The following PDE3B variants were observed in gnomAD, a reference collection of about 807,000 sequenced individuals.
The protein encoded by PDE3B is phosphodiesterase 3B.
PDE3B carries 66 observed loss-of-function variants against 116.8 expected under a neutral mutation model. That is an observed-to-expected ratio of 0.56 (90% CI 0.46 to 0.69). PDE3B has a LOEUF of 0.69. Ranked by LOEUF, PDE3B falls within the 30% of genes least tolerant of loss-of-function variation. PDE3B has a pLI of 0.00. For missense variants in PDE3B, 1,384 were observed against 1,368.1 expected (o/e 1.01, Z -0.18); for synonymous variants, 595 against 533.6 (o/e 1.12, Z -1.59).
intron 1 of PDE3B, among the ~76,000 whole-genome samples, chr11:14,769,651 A>G (rs941778082): frequency 6.8e-6 from 1 of 147,466 alleles, no homozygotes; most frequent in African/African-American, 2.5e-5. Flanking sequence ...ATATGTACAT[A>G]TATTAAATAT....
the PDE3B span, chr11:14,890,602 A>G: frequency 3.0e-5 from 6 of 202,258 alleles, no homozygotes; most frequent in African/African-American, 6.3e-5. Context: ...GCTGGAGTGC[A>G]GTGGCGCGAT....
At chr11:14,646,670 C>T (rs1853416495) in intron 1 of PDE3B, among the ~76,000 whole-genome samples, 1 of 152,094 alleles carries the variant, frequency 6.6e-6, no homozygotes, top group Non-Finnish European at 1.5e-5. Flanking sequence ...TACAGTTTAA[C>T]ATATTTTAAT....
intron 5 of PDE3B, among the ~76,000 whole-genome samples, chr11:14,811,856 C>T (rs953781933): frequency 1.2e-4 from 18 of 152,182 alleles, no homozygotes; most frequent in East Asian, 1.9e-4. Flanking sequence ...AGGTCCCTCA[C>T]GTCCCTTGTA....
chr11:14,647,038 TATC>T (rs1228251789), intron 1 of PDE3B, among the ~76,000 whole-genome samples: 2 of 152,092 alleles, frequency 1.3e-5, no homozygotes, highest in African/African-American at 2.4e-5. Context: ...TAGCAGATAC[TATC>T]ATAACAAGAA....
chr11:14,786,325 C>A, intron 2 of PDE3B, 112 bp from the exon 3 acceptor site: 1 of 726,374 alleles, frequency 1.4e-6, no homozygotes, highest in Non-Finnish European at 2.1e-6. Context: ...TTAAAGTTCA[C>A]GGTTATTTGC....
intron 1 of PDE3B, among the ~76,000 whole-genome samples, chr11:14,739,145 C>T (rs756817292): frequency 1.2e-4 from 18 of 152,158 alleles, no homozygotes; most frequent in Non-Finnish European, 2.2e-4. Flanking sequence ...TGAAGAAAGT[C>T]AATGGTAGCT....
chr11:14,856,039 C>G (rs1847843088), intron 12 of PDE3B, among the ~76,000 whole-genome samples: 1 of 152,172 alleles, frequency 6.6e-6, no homozygotes, highest in Admixed American at 6.5e-5. Context: ...AATTGTAATC[C>G]TCACATGTCA....
chr11:14,820,232 C>CTTT (rs36115886), intron 7 of PDE3B, among the ~76,000 whole-genome samples: 5 of 140,780 alleles, frequency 3.6e-5, no homozygotes, highest in East Asian at 2.1e-4. Context: ...CCAACTCATT[C>CTTT]TTTTTTTTTT....
At chr11:14,885,395 C>A in the PDE3B span, among the ~76,000 whole-genome samples, 2 of 152,100 alleles carry the variant, frequency 1.3e-5, no homozygotes, top group South Asian at 4.1e-4. Flanking sequence ...GCTTCAAGTT[C>A]TGTAAGCTTA....
intron 12 of PDE3B, among the ~76,000 whole-genome samples, chr11:14,846,486 A>T (rs1847604996): frequency 6.6e-6 from 1 of 152,228 alleles, no homozygotes; most frequent in African/African-American, 2.4e-5. Flanking sequence ...TTCACACATA[A>T]CAATATTAAC....
intron 1 of PDE3B, among the ~76,000 whole-genome samples, chr11:14,766,642 A>G (rs961144958): frequency 6.6e-6 from 1 of 151,434 alleles, no homozygotes; most frequent in Non-Finnish European, 1.5e-5. Flanking sequence ...TATTTTAACC[A>G]CCAGCCTCTT....
At chr11:14,725,999 T>G (rs1024633323) in intron 1 of PDE3B, among the ~76,000 whole-genome samples, 5 of 152,154 alleles carry the variant, frequency 3.3e-5, no homozygotes, top group African/African-American at 1.2e-4. Context: ...TCCCTCTACT[T>G]CAGCTTCACT....
intron 5 of PDE3B, among the ~76,000 whole-genome samples, chr11:14,809,367 G>A (rs1007099648): frequency 6.6e-6 from 1 of 152,102 alleles, no homozygotes; most frequent in African/African-American, 2.4e-5. Context: ...AACAAAACGT[G>A]GCTTAACCAT....
At chr11:14,843,789 G>T (rs1021798570) in intron 11 of PDE3B, 38 bp from the exon 12 acceptor site, 1 of 1,502,880 alleles carries the variant, frequency 6.7e-7, no homozygotes, top group East Asian at 2.3e-5. Flanking sequence ...GAATTTATGT[G>T]CTAATGCTGG....
intron 1 of PDE3B, among the ~76,000 whole-genome samples, chr11:14,663,531 C>T (rs187261813): frequency 9.9e-5 from 15 of 152,194 alleles, no homozygotes; most frequent in East Asian, 1.9e-4. Flanking sequence ...ACCTGTCTCA[C>T]GTGCAGAGAC....
intron 11 of PDE3B, among the ~76,000 whole-genome samples, chr11:14,842,638 C>T (rs2133972886): frequency 6.6e-6 from 1 of 152,224 alleles, no homozygotes; most frequent in African/African-American, 2.4e-5. Flanking sequence ...ACTCAGGTGG[C>T]TGAGGGCAGG....
At chr11:14,798,212 T>C (rs1196267816) in intron 4 of PDE3B, among the ~76,000 whole-genome samples, 1 of 152,234 alleles carries the variant, frequency 6.6e-6, no homozygotes, top group East Asian at 1.9e-4. Context: ...TCATTGGTTC[T>C]GTTTATGTGA....
chr11:14,729,978 C>T (rs939625471), intron 1 of PDE3B, among the ~76,000 whole-genome samples: 24 of 152,060 alleles, frequency 1.6e-4, no homozygotes, highest in Admixed American at 1.3e-4. Flanking sequence ...TAGAACTAGG[C>T]TCAATAAAAG....
chr11:14,867,593 A>G lies in PDE3B; in HGVS notation c.2974A>G (p.Ile992Val). The change falls in exon 15 of 16, where the codon ATC becomes GTC. Residue 992 changes from isoleucine to valine, a missense_variant. Around this residue, in one of 2 missense-constraint regions of PDE3B, gnomAD observed 428 missense variants for 561.4 expected, o/e 0.76. Coordinates refer to ENST00000282096, the MANE Select transcript of PDE3B (RefSeq NM_000922.4). ...PQLAKLQESF[I>V]THIVGPLCNS... ...ACTAGCAAAACTCCAAGAATCTTTT[A>G]TCACCCACATAGTGGGTCCCCTGTG... 4 of 1,614,050 alleles carry G rather than the reference A, an allele frequency of 2.5e-6. No homozygotes were observed. The highest frequency in any genetic ancestry group is 2.5e-6 in the Non-Finnish European group (3 of 1,179,940).
Sources: gnomAD v4.1 joint callset for allele counts (sites outside exome capture counted in the v4.1 genomes callset) on GRCh38, gnomAD v4.1.1 for gene constraint, gnomAD v4.1.1 regional missense constraint, MANE v1.5 for transcripts, NCBI Gene and HGNC (gene_info 2026-07-23, HGNC 2026-07-21) for gene names.